The following ZNF185 variants were observed in gnomAD, a reference collection of about 807,000 sequenced individuals.
The protein encoded by ZNF185 is zinc finger protein 185.
Under a neutral mutation model 58.6 loss-of-function variants are expected in ZNF185, and 56 were observed. The observed-to-expected ratio is 0.95, with a 90% CI of 0.77 to 1.19. The LOEUF is 1.19. Ranked by LOEUF, ZNF185 falls within the 50% of genes most tolerant of loss-of-function variation. The pLI is 0.00. For missense variants in ZNF185, 627 were observed against 573.5 expected, an observed-to-expected ratio of 1.09 and a Z score of -0.95; for synonymous variants, 230 against 215.9, an observed-to-expected ratio of 1.07 and a Z score of -0.57.
intron 16 of ZNF185, among the ~76,000 whole-genome samples, chrX:152,954,505 C>T (rs1313297328): frequency 8.9e-6 from 1 of 112,403 alleles, no homozygotes; most frequent in Non-Finnish European, 1.9e-5. Context: ...GGGGAAACAA[C>T]TGGTAGGAGC....
At chrX:152,922,665 C>A in intron 10 of ZNF185, 55 bp from the exon 12 acceptor site, 1 of 1,083,955 alleles carries the variant, frequency 9.2e-7, no homozygotes, top group African/African-American at 1.8e-5. Flanking sequence ...TTCAGCATGC[C>A]CAGGGAGGAG....
chrX:152,918,493 C>G lies in ZNF185; in HGVS notation c.431+339C>G, dbSNP rs781902967. ...TCCTGGGCTTGGCCCTGCACCCGGC[C>G]GAGCCTCAGGTGCTCTGCCTGGCTG... is the stretch of plus-strand genomic sequence containing the variant. On this transcript the variant is annotated intron_variant, in intron 6 of 22. Coordinates refer to ENST00000449285, the Ensembl canonical transcript of ZNF185. Among the ~76,000 whole-genome samples the G allele has an allele frequency of 3.5e-5, 4 of 113,028 alleles. No individual in the cohort carries two copies. In the South Asian group the frequency reaches 1.4e-3, roughly 41 times the overall value.
the ZNF185 span, among the ~76,000 whole-genome samples, chrX:152,908,962 T>G: frequency 3.5e-5 from 4 of 112,882 alleles, no homozygotes; most frequent in Non-Finnish European, 7.5e-5. Flanking sequence ...GGGAAGCCAG[T>G]GTTGTTATTG....
the ZNF185 span, among the ~76,000 whole-genome samples, chrX:152,901,355 C>T: frequency 6.4e-5 from 7 of 109,132 alleles, no homozygotes; most frequent in South Asian, 2.0e-3. Flanking sequence ...TGGGCTCAAG[C>T]GATCCTCGTG....
intron 11 of ZNF185, among the ~76,000 whole-genome samples, chrX:152,927,492 T>C (rs1941083483): frequency 9.0e-6 from 1 of 111,528 alleles, no homozygotes; most frequent in African/African-American, 3.3e-5. Flanking sequence ...GAGTGGCCTC[T>C]TTAAAGTGCC....
the ZNF185 span, among the ~76,000 whole-genome samples, chrX:152,905,574 T>C: frequency 2.7e-5 from 3 of 111,991 alleles, no homozygotes; most frequent in South Asian, 3.8e-4. Flanking sequence ...CTAGGTCCAG[T>C]GGAGGCTCTT....
intron 16 of ZNF185, among the ~76,000 whole-genome samples, chrX:152,955,949 GGT>G (rs2048782966): frequency 9.0e-6 from 1 of 110,893 alleles, no homozygotes; most frequent in East Asian, 2.8e-4. Flanking sequence ...TTCTCACTTA[GGT>G]GAGAGTGTGA....
intron 11 of ZNF185, among the ~76,000 whole-genome samples, chrX:152,928,365 G>A (rs1445983308): frequency 1.8e-5 from 2 of 112,137 alleles, no homozygotes; most frequent in African/African-American, 6.5e-5. Context: ...GGGAGGGCTG[G>A]GCTCAGGTCA....
intron 16 of ZNF185, among the ~76,000 whole-genome samples, chrX:152,958,072 T>G (rs188027158): frequency 8.6e-4 from 96 of 111,986 alleles, no homozygotes; most frequent in Middle Eastern, 4.6e-3. Flanking sequence ...CTTCAGTGTG[T>G]TGTTGTTCAT....
intron 17 of ZNF185, among the ~76,000 whole-genome samples, 159 bp from the exon 20 acceptor site, chrX:152,963,680 C>T (rs1209082658): frequency 8.9e-6 from 1 of 112,062 alleles, no homozygotes; most frequent in African/African-American, 3.2e-5. Flanking sequence ...ACTCACCTAG[C>T]CTGGGTTTGC....
chrX:152,919,017 G>C, exon 7 of ZNF185: 1 of 1,210,822 alleles, frequency 8.3e-7, no homozygotes, highest in Non-Finnish European at 1.1e-6. Context: ...CTCTACATCA[G>C]GGGACACCGA....
chrX:152,928,129 T>TCCC (rs141636980), intron 11 of ZNF185, among the ~76,000 whole-genome samples: 21,166 of 110,856 alleles, frequency 0.19, 1,663 homozygotes, highest in Non-Finnish European at 0.24. Flanking sequence ...GTCTGCGACA[T>TCCC]CCCCTCCCAC....
intron 11 of ZNF185, among the ~76,000 whole-genome samples, chrX:152,925,280 TG>T (rs1940638402): frequency 9.0e-6 from 1 of 111,404 alleles, no homozygotes; most frequent in African/African-American, 3.3e-5. Flanking sequence ...CACTCTAGCC[TG>T]GGTGACAGAG....
chrX:152,959,287 C>A (rs1447040845), intron 16 of ZNF185, among the ~76,000 whole-genome samples: 1 of 111,726 alleles, frequency 9.0e-6, no homozygotes, highest in Non-Finnish European at 1.9e-5. Flanking sequence ...ATTTGATGAG[C>A]CTGGCCAGCG....
chrX:152,914,412 G>C (rs782388987), upstream of ZNF185: 122 of 937,997 alleles, frequency 1.3e-4, no homozygotes, highest in Admixed American at 1.9e-4. Flanking sequence ...ACAAATGCAT[G>C]AAGTGACAGC....
At chrX:152,938,436 G>T (rs890925684) in intron 15 of ZNF185, among the ~76,000 whole-genome samples, 39 of 112,419 alleles carry the variant, frequency 3.5e-4, no homozygotes, top group African/African-American at 1.3e-3. Flanking sequence ...TTTGCTGGAG[G>T]CTGGAGCATG....
Position 152,969,068 on chromosome X carries a change from G to A in ZNF185, c.1872-314G>A, listed in dbSNP as rs782003168. Among the ~76,000 whole-genome samples the A allele has an allele frequency of 2.7e-5, 3 of 112,106 alleles. No homozygotes were observed. In the Admixed American group the frequency reaches 2.8e-4, roughly 10 times the overall value. On this transcript the variant is annotated intron_variant, in intron 20 of 22. Transcript: ENST00000449285. ...GCTCTAGAGGGTAGCAGGCCCCAGC[G>A]GATAATCTAAGCAGAAGGTCAGGGG...
At chrX:152,970,633 C>A in intron 22 of ZNF185, 92 bp downstream of exon 24, 1 of 772,582 alleles carries the variant, frequency 1.3e-6, no homozygotes, top group Non-Finnish European at 1.9e-6. Context: ...CAGCCCCAGA[C>A]ACAGCTATCT....
chrX:152,956,382 C>T (rs1306227223), intron 16 of ZNF185, among the ~76,000 whole-genome samples: 1 of 111,927 alleles, frequency 8.9e-6, no homozygotes, highest in African/African-American at 3.2e-5. Context: ...ATTTTAGAAA[C>T]CCCATATAAT....
Sources: gnomAD v4.1 joint callset for allele counts (sites outside exome capture counted in the v4.1 genomes callset) on GRCh38, gnomAD v4.1.1 for gene constraint, MANE v1.5 for transcripts, NCBI Gene and HGNC (gene_info 2026-07-23, HGNC 2026-07-21) for gene names.